The following AXIN2 variants were observed in gnomAD, a reference collection of about 807,000 sequenced individuals.
The protein encoded by AXIN2 is axin 2, also known as axin-2.
In AXIN2, 21 loss-of-function variants were observed where a neutral mutation model predicts 74.7. The observed-to-expected ratio is 0.28, with a 90% CI of 0.20 to 0.40. The LOEUF is 0.40. Among genes scored for constraint, AXIN2 ranks in the 10% least tolerant of loss-of-function variants. The probability of loss-of-function intolerance (pLI) is 1.00; values close to 1 mark genes in which losing one functional copy is unlikely to be tolerated. For synonymous variants in AXIN2, 532 were observed against 454.9 expected (o/e 1.17, Z -2.16); for missense variants, 1,144 against 1,111.1 (o/e 1.03, Z -0.42).
rs2043786450 is a variant in AXIN2, at chr17:65,529,839, T to C, written c.*137A>G. On this transcript the variant is annotated 3_prime_UTR_variant, in exon 11 of 11. Coordinates refer to ENST00000307078, the MANE Select transcript of AXIN2 (RefSeq NM_004655.4). ...TCCCCCCGCCCTCCCGAAGGCCCAC[T>C]GGCCGATTCTTCCTTAGACTTTGTC... 6.8e-7 allele frequency: 1 copy of C among 1,473,030 alleles called. No individual in the cohort carries two copies. Among genetic ancestry groups the C allele is most frequent in the Non-Finnish European group, 9.3e-7 (1 of 1,075,028 alleles). 91.2% of individuals were successfully genotyped at this position (1,473,030 alleles called of 1,614,324 possible). A position where few individuals can be genotyped will look rare whatever the true frequency, so the allele number is the denominator to read the frequency against.
chr17:65,531,886 C>G (rs758646746), intron 10 of AXIN2, among the ~76,000 whole-genome samples: 4 of 152,182 alleles, frequency 2.6e-5, no homozygotes, highest in East Asian at 3.9e-4. Flanking sequence ...AGGTCCCCCC[C>G]ACCTCCCACC....
At position 65,534,032 on chromosome 17, in the gene AXIN2, C is replaced by A. The variant is rs117688560; in HGVS notation, c.2285G>T (p.Ser762Ile). Residue 762 changes from serine (S) to isoleucine (I), a missense_variant, in exon 10 of 11, where the codon AGT (serine) becomes ATT (isoleucine). Physicochemically the swap from Ser to Ile is moderately radical, Grantham distance 142. This residue lies in a region of AXIN2 where 1,053 missense variants were observed against 973.5 expected (regional missense o/e 1.08). Transcript: ENST00000307078. ...KLAGVHALQA[S>I]ELVVTYFFCG... ...GAAAAAGTAAGTGACAACCAACTCA[C>A]TGGCCTGGAGCGCGTGGACACCTGC... 6.2e-7 allele frequency: 1 copy of A among 1,614,260 alleles called. No homozygotes were observed. Among genetic ancestry groups the A allele is most frequent in the Admixed American group, 1.7e-5 (1 of 60,038 alleles).
At chr17:65,552,933 C>T (rs547186210) in intron 2 of AXIN2, among the ~76,000 whole-genome samples, 1 of 152,184 alleles carries the variant, frequency 6.6e-6, no homozygotes, top group South Asian at 2.1e-4. Flanking sequence ...GAGGCTGAGG[C>T]AGGAGAATCG....
In AXIN2 at chr17:65,529,779, G is replaced by T; in HGVS notation, c.*197C>A. On this transcript the variant is annotated 3_prime_UTR_variant, in exon 11 of 11. Coordinates refer to ENST00000307078, the MANE Select transcript of AXIN2 (RefSeq NM_004655.4). Reference sequence around the variant, plus strand: ...AATAGTTCAGGCTTTTCTTATCTCAGTCAGTACCCAGCTCATGAATCATGA... The same window carrying T: ...AATAGTTCAGGCTTTTCTTATCTCATTCAGTACCCAGCTCATGAATCATGA... 2 of 777,710 alleles carry T rather than the reference G, an allele frequency of 2.6e-6. No individual in the cohort carries two copies. Among genetic ancestry groups the T allele is most frequent in the Non-Finnish European group, 4.1e-6 (2 of 483,446 alleles). 48.2% of individuals were successfully genotyped at this position (777,710 alleles called of 1,614,324 possible). A position where few individuals can be genotyped will look rare whatever the true frequency, so the allele number is the denominator to read the frequency against.
In AXIN2 at chr17:65,536,428, A is replaced by G. The variant is rs368798367; in HGVS notation, c.2033T>C (p.Leu678Pro). Residue 678 changes from leucine (L) to proline (P), a missense_variant, in exon 8 of 11, where the codon CTG becomes CCG. Transcript: ENST00000307078. ...GHPRTTPRAH[L>P]FTQDPAMPPL... ...AGGCATCGCAGGGTCCTGGGTGAACAGGTGGGCACGGGGGGTGGTGCGGGG... is the reference window on the plus strand; with the variant it reads ...AGGCATCGCAGGGTCCTGGGTGAACGGGTGGGCACGGGGGGTGGTGCGGGG... 4.3e-6 allele frequency: 7 copies of G among 1,613,632 alleles called. No homozygotes were observed. Among genetic ancestry groups the G allele is most frequent in the Non-Finnish European group, 5.9e-6 (7 of 1,179,974 alleles).
chr17:65,556,446 G>A (rs1318109016), intron 2 of AXIN2, among the ~76,000 whole-genome samples: 3 of 152,162 alleles, frequency 2.0e-5, no homozygotes, highest in Non-Finnish European at 4.4e-5. Flanking sequence ...CAGACAACTT[G>A]ACTCCACAAG....
At chr17:65,551,648 G>C (rs542908445) in intron 2 of AXIN2, among the ~76,000 whole-genome samples, 1 of 152,310 alleles carries the variant, frequency 6.6e-6, no homozygotes, top group South Asian at 2.1e-4. Context: ...AAGAAGGTAG[G>C]AGAGGCAGTC....
Position 65,528,788 on chromosome 17 carries a change from A to C in AXIN2, c.*1188T>G. The C allele has an allele frequency of 2.0e-6, 1 of 491,166 alleles. No homozygotes were observed. The highest frequency in any genetic ancestry group is 3.8e-6 in the Non-Finnish European group (1 of 264,120). 30.4% of individuals were successfully genotyped at this position (491,166 alleles called of 1,614,324 possible). The stretch of plus-strand genomic sequence containing the variant: ...AAACAAGGGAAAGCTTGAGCCCTCA[A>C]TATAGGGCGACACACGGAGCGGGTG... On this transcript the variant is annotated 3_prime_UTR_variant, in exon 11 of 11. Transcript: ENST00000307078.
chr17:65,556,602 C>A (rs1031330657), intron 2 of AXIN2, among the ~76,000 whole-genome samples: 16 of 152,144 alleles, frequency 1.1e-4, no homozygotes, highest in African/African-American at 3.9e-4. Flanking sequence ...CAAGCCCTTC[C>A]TCTCCTCGCC....
intron 4 of AXIN2, among the ~76,000 whole-genome samples, chr17:65,538,825 A>G (rs2043993849): frequency 2.0e-5 from 3 of 152,088 alleles, no homozygotes; most frequent in Admixed American, 1.3e-4. Flanking sequence ...GAGGAAAGAA[A>G]GTGGGGGAAA....
At chr17:65,550,560 C>G (rs146952622) in intron 2 of AXIN2, among the ~76,000 whole-genome samples, 1 of 152,120 alleles carries the variant, frequency 6.6e-6, no homozygotes, top group African/African-American at 2.4e-5. Flanking sequence ...GCAGGCTGCA[C>G]GTTAAGGCCT....
At chr17:65,549,801 G>T in intron 2 of AXIN2, 141 bp from the exon 3 acceptor site, 1 of 1,151,016 alleles carries the variant, frequency 8.7e-7, no homozygotes, top group Non-Finnish European at 1.3e-6. Flanking sequence ...TGCTCACCTG[G>T]GCAGAAAGCA....
At chr17:65,540,785 A>T (rs2044029576) in intron 4 of AXIN2, among the ~76,000 whole-genome samples, 1 of 152,118 alleles carries the variant, frequency 6.6e-6, no homozygotes, top group Non-Finnish European at 1.5e-5. Flanking sequence ...CCCCTTGCGC[A>T]TCATGATTGA....
Position 65,528,797 on chromosome 17 carries a change from G to A in AXIN2, c.*1179C>T, listed in dbSNP as rs1289592140. On this transcript the variant is annotated 3_prime_UTR_variant, in exon 11 of 11. Coordinates refer to ENST00000307078, the MANE Select transcript of AXIN2 (RefSeq NM_004655.4). Reference sequence around the variant, plus strand: ...AAAGCTTGAGCCCTCAATATAGGGCGACACACGGAGCGGGTGACCGTGCAG... The same window carrying A: ...AAAGCTTGAGCCCTCAATATAGGGCAACACACGGAGCGGGTGACCGTGCAG... 33 of 484,910 alleles carry A rather than the reference G, an allele frequency of 6.8e-5. 1 individual carries two copies. In the East Asian group the frequency reaches 1.1e-3, roughly 16 times the overall value. 30.0% of individuals were successfully genotyped at this position (484,910 alleles called of 1,614,324 possible).
chr17:65,536,237 G>C, intron 8 of AXIN2, 83 bp downstream of exon 8: 1 of 1,389,432 alleles, frequency 7.2e-7, no homozygotes, highest in Non-Finnish European at 1.0e-6. Context: ...GGCAGAAAGA[G>C]AGGCCCTCCC....
intron 3 of AXIN2, among the ~76,000 whole-genome samples, chr17:65,544,625 TCA>T (rs773180152): frequency 7.6e-4 from 115 of 152,278 alleles, no homozygotes; most frequent in Non-Finnish European, 1.4e-3. Flanking sequence ...AAGTCTGTGA[TCA>T]GTTTCCTGGC....
intron 2 of AXIN2, among the ~76,000 whole-genome samples, chr17:65,553,028 CAAAAAA>C (rs895002524): frequency 6.6e-6 from 1 of 151,438 alleles, no homozygotes; most frequent in Admixed American, 6.6e-5. Context: ...AACTCCATCT[CAAAAAA>C]AACAAAAACA....
At chr17:65,556,576 C>T (rs1396299489) in intron 2 of AXIN2, among the ~76,000 whole-genome samples, 1 of 152,158 alleles carries the variant, frequency 6.6e-6, no homozygotes, top group Non-Finnish European at 1.5e-5. Context: ...AAGCGCGCCC[C>T]CTGGTGGTTG....
At chr17:65,538,003 C>T in intron 5 of AXIN2, 168 bp from the exon 6 acceptor site, 1 of 1,296,846 alleles carries the variant, frequency 7.7e-7, no homozygotes. Flanking sequence ...CACATATCCA[C>T]ACGCATATGC....
Sources: gnomAD v4.1 joint callset for allele counts (sites outside exome capture counted in the v4.1 genomes callset) on GRCh38, gnomAD v4.1.1 for gene constraint, gnomAD v4.1.1 regional missense constraint, MANE v1.5 for transcripts, NCBI Gene and HGNC (gene_info 2026-07-23, HGNC 2026-07-21) for gene names.